SFXN3: variants seen among roughly 807,000 people sequenced by gnomAD.
SFXN3 encodes the protein sideroflexin-3.
SFXN3 carries 31 observed loss-of-function variants against 40.4 expected under a neutral mutation model. The ratio of observed to expected loss-of-function variants is 0.77; its 90% CI spans 0.58 to 1.04. SFXN3 has a LOEUF of 1.04. Ranked by LOEUF, SFXN3 falls within the 50% of genes least tolerant of loss-of-function variation. The pLI, the probability that SFXN3 is intolerant of heterozygous loss-of-function variation, is 0.00. For synonymous variants in SFXN3, 157 were observed against 160.0 expected (o/e 0.98, Z 0.14); for missense variants, 366 against 408.2 (o/e 0.90, Z 0.89).
In SFXN3 at chr10:101,039,443, G is replaced by A; in HGVS notation, c.870-46G>A. The A allele has an allele frequency of 6.4e-7, 1 of 1,555,430 alleles. No homozygotes were observed. The highest frequency in any genetic ancestry group is 1.1e-5 in the South Asian group (1 of 89,978). The stretch of plus-strand genomic sequence containing the variant: ...GATGGCAATCCCTGGGCCTGAGTGG[G>A]GTTGGATTCAGGGGACGTTAACTGG... On this transcript the variant is annotated intron_variant, in intron 11 of 11. Transcript: ENST00000393459. The surrounding 1 kb of genome is among the most constrained non-coding windows in gnomAD (Gnocchi z 4.6).
chr10:101,032,337 C>G lies in SFXN3; in HGVS notation c.-149C>G, dbSNP rs3740497. On this transcript the variant is annotated 5_prime_UTR_variant, in exon 2 of 12. Transcript: ENST00000393459. The stretch of plus-strand genomic sequence containing the variant: ...AGGTTCTGCCAATCCCCGTGCCCAC[C>G]GGGTGGGCGCGGCCGGGAAGCTCCT... 3 of 1,077,912 alleles carry G rather than the reference C, an allele frequency of 2.8e-6. No homozygotes were observed. The Admixed American group carries it at 1.1e-4, about 38-fold the overall frequency. 66.8% of individuals were successfully genotyped at this position (1,077,912 alleles called of 1,614,324 possible).
At chr10:101,031,791 G>A (rs769368139) in intron 1 of SFXN3, among the ~76,000 whole-genome samples, 4 of 152,198 alleles carry the variant, frequency 2.6e-5, no homozygotes, top group Non-Finnish European at 4.4e-5. Context: ...GGTTGGGAGC[G>A]TAAGGAGACC....
At chr10:101,038,156 A>G in intron 9 of SFXN3, 1 of 462,388 alleles carries the variant, frequency 2.2e-6, no homozygotes, top group Non-Finnish European at 3.0e-6. Flanking sequence ...TGTTTGGGGT[A>G]CAGAAAACAG....
rs1488779187 is a variant in SFXN3 at position 101,039,214 on chromosome 10, C to T, written c.861C>T (p.Pro287=). ...CCCCCCTGTGCTGTGCCCTATTCCCCCAGAAGAGGTAAGTGCTGTCCCTGG... is the reference window on the plus strand; with the variant it reads ...CCCCCCTGTGCTGTGCCCTATTCCCTCAGAAGAGGTAAGTGCTGTCCCTGG... The change falls in exon 11 of 12, where the codon CCC becomes CCT. Residue 287 remains proline (P), a synonymous_variant. Transcript: ENST00000393459. This position sits in a 1 kb window ranked among gnomAD's most constrained non-coding sequence, Gnocchi z 4.6. 2.5e-6 allele frequency: 4 copies of T among 1,604,164 alleles called. No individual in the cohort carries two copies.
In SFXN3 at chr10:101,036,631, C is replaced by T; in HGVS notation, c.507+70C>T. Reference sequence around the variant, plus strand: ...TGCCTCCTTCTTCCTCATCACACCTCCAGTTCTGACCTATATGCCCCCTAT... The same window carrying T: ...TGCCTCCTTCTTCCTCATCACACCTTCAGTTCTGACCTATATGCCCCCTAT... On this transcript the variant is annotated intron_variant, in intron 6 of 11. Transcript: ENST00000393459. The surrounding 1 kb of genome is among the most constrained non-coding windows in gnomAD (Gnocchi z 4.2). The T allele has an allele frequency of 3.1e-6, 5 of 1,611,952 alleles. No homozygotes were observed. Among genetic ancestry groups the T allele is most frequent in the African/African-American group, 1.3e-5 (1 of 74,980 alleles).
intron 2 of SFXN3, among the ~76,000 whole-genome samples, chr10:101,032,766 A>C (rs1938360418): frequency 6.6e-6 from 1 of 152,136 alleles, no homozygotes; most frequent in Non-Finnish European, 1.5e-5. Flanking sequence ...CAGGGTGTGC[A>C]TGATAGTGTC....
exon 1 of SFXN3, chr10:101,031,407 C>T (rs1938181114): frequency 6.6e-6 from 1 of 152,402 alleles, no homozygotes; most frequent in Admixed American, 6.5e-5. Flanking sequence ...TGAGCCGAGC[C>T]AGCTACCGGG....
rs1938612886 is a variant in SFXN3 at position 101,036,536 on chromosome 10, C to T, written c.482C>T (p.Ala161Val). 2 of 1,614,020 alleles carry T rather than the reference C, an allele frequency of 1.2e-6. No individual in the cohort carries two copies. Among genetic ancestry groups the T allele is most frequent in the African/African-American group, 2.7e-5 (2 of 74,908 alleles). ...GCCACCACTGGAGCTGTGGCCACGGCCCTGGGACTCAAATCCCTCACCAAG... is the reference window on the plus strand; with the variant it reads ...GCCACCACTGGAGCTGTGGCCACGGTCCTGGGACTCAAATCCCTCACCAAG... Residue 161 changes from alanine to valine, a missense_variant, in exon 6 of 12, where the codon GCC (alanine) becomes GTC (valine). By Grantham distance (64) the Ala-to-Val change is moderately conservative (BLOSUM62 0). Coordinates refer to ENST00000393459, the Ensembl canonical transcript of SFXN3. The surrounding 1 kb of genome is among the most constrained non-coding windows in gnomAD (Gnocchi z 4.2).
In SFXN3 at chr10:101,039,069, T is replaced by C. The variant is rs998599114; in HGVS notation, c.822-106T>C. ...TCCTAAAAGGTCCTTTCAGCTTTTATCAATCTCCACCCCTAGGGCCTATCT... is the reference window on the plus strand; with the variant it reads ...TCCTAAAAGGTCCTTTCAGCTTTTACCAATCTCCACCCCTAGGGCCTATCT... On this transcript the variant is annotated intron_variant, in intron 10 of 11. Coordinates refer to ENST00000393459, the Ensembl canonical transcript of SFXN3. This position sits in a 1 kb window ranked among gnomAD's most constrained non-coding sequence, Gnocchi z 4.6. 1.0e-6 allele frequency: 1 copy of C among 985,334 alleles called. No homozygotes were observed. The allele number at this position is 985,334 out of a possible 1,614,324, so 61.0% of individuals were successfully genotyped here. A position where few individuals can be genotyped will look rare whatever the true frequency, so the allele number is the denominator to read the frequency against.
intron 9 of SFXN3, 121 bp downstream of exon 9, chr10:101,037,552 T>A: frequency 6.3e-7 from 1 of 1,593,898 alleles, no homozygotes; most frequent in Non-Finnish European, 8.5e-7. Flanking sequence ...TCCTGACCCC[T>A]GCACCGCCTC....
chr10:101,036,383 C>G lies in SFXN3; in HGVS notation c.432-103C>G. On this transcript the variant is annotated intron_variant, in intron 5 of 11. Transcript: ENST00000393459. The surrounding 1 kb of genome is among the most constrained non-coding windows in gnomAD (Gnocchi z 4.2). ...GAAGGCTTCTTCTGCAAGGAGCTTC[C>G]CCTTTTATGCCTCATGTATTGAGGA... The G allele has an allele frequency of 8.9e-7, 1 of 1,117,734 alleles. No homozygotes were observed. The highest frequency in any genetic ancestry group is 1.4e-5 in the South Asian group (1 of 73,632). 69.2% of individuals were successfully genotyped at this position (1,117,734 alleles called of 1,614,324 possible).
Position 101,036,869 on chromosome 10 carries a change from C to A in SFXN3, c.593+61C>A. ...GAATGTAGCACACTGTCCATCCACG[C>A]AGACCACCTCAGAATGGGGACATCC... On this transcript the variant is annotated intron_variant, in intron 7 of 11. Transcript: ENST00000393459. The surrounding 1 kb of genome is among the most constrained non-coding windows in gnomAD (Gnocchi z 4.2). 6.3e-7 allele frequency: 1 copy of A among 1,583,214 alleles called. No individual in the cohort carries two copies. Among genetic ancestry groups the A allele is most frequent in the East Asian group, 2.3e-5 (1 of 43,966 alleles).
In SFXN3 at chr10:101,035,993, G is replaced by C; in HGVS notation, c.333-10G>C. The C allele has an allele frequency of 6.2e-6, 10 of 1,612,044 alleles. No individual in the cohort carries two copies. The highest frequency in any genetic ancestry group is 8.5e-6 in the Non-Finnish European group (10 of 1,178,132). On this transcript the variant is annotated splice_polypyrimidine_tract_variant and intron_variant, in intron 4 of 11. Coordinates refer to ENST00000393459, the Ensembl canonical transcript of SFXN3. ...AGACGGGGCAGAAGTGAGTGTCTTT[G>C]TTCCCTCAGGAAGACCCCAACCGTG... is the stretch of plus-strand genomic sequence containing the variant.
chr10:101,035,889 G>A lies in SFXN3; in HGVS notation c.333-114G>A, dbSNP rs554071438. 51 of 1,167,628 alleles carry A rather than the reference G, an allele frequency of 4.4e-5. No homozygotes were observed. In the East Asian group the frequency reaches 1.1e-3, roughly 26 times the overall value. The allele number at this position is 1,167,628 out of a possible 1,614,324, so 72.3% of individuals were successfully genotyped here. ...AGGGGTTACCAGAACAGGTTCTAGG[G>A]CCATTAACTGGGTCCCTTCTTAGGC... On this transcript the variant is annotated intron_variant, in intron 4 of 11. Transcript: ENST00000393459.
At chr10:101,038,614 C>A (rs775780146) in intron 9 of SFXN3, 29 bp from the exon 10 acceptor site, 1 of 1,613,890 alleles carries the variant, frequency 6.2e-7, no homozygotes, top group Non-Finnish European at 8.5e-7. Flanking sequence ...GGACACAAGC[C>A]GTTCCATTGT....
At chr10:101,035,847 T>TG in intron 4 of SFXN3, 156 bp from the exon 5 acceptor site, 1 of 1,092,384 alleles carries the variant, frequency 9.2e-7, no homozygotes, top group East Asian at 2.5e-5. Context: ...TTTGTATAAA[T>TG]GGGGGTGGGG....
At position 101,036,832 on chromosome 10, in the gene SFXN3, T is replaced by C. The variant is rs776556432; in HGVS notation, c.593+24T>C. 5.6e-6 allele frequency: 9 copies of C among 1,611,692 alleles called. No homozygotes were observed. The East Asian group carries it at 1.6e-4, about 28-fold the overall frequency. On this transcript the variant is annotated intron_variant, in intron 7 of 11. Coordinates refer to ENST00000393459, the Ensembl canonical transcript of SFXN3. The surrounding 1 kb of genome is among the most constrained non-coding windows in gnomAD (Gnocchi z 4.2). ...AGGTGAGTGACCCCGGCTCCTGGCA[T>C]GTGCATGCCCAGAATGTAGCACACT...
rs1438957872 is a variant in SFXN3, at chr10:101,032,405, A to G, written c.-81A>G. 4 of 1,333,832 alleles carry G rather than the reference A, an allele frequency of 3.0e-6. No individual in the cohort carries two copies. The highest frequency in any genetic ancestry group is 1.5e-5 in the African/African-American group (1 of 64,754). The allele number at this position is 1,333,832 out of a possible 1,614,324, so 82.6% of individuals were successfully genotyped here. A position where few individuals can be genotyped will look rare whatever the true frequency, so the allele number is the denominator to read the frequency against. ...GGCGTCACGCGTGACGTCCCGCGTGATGGCTGGGAGGGCCCGGCGGCGACA... is the reference window on the plus strand; with the variant it reads ...GGCGTCACGCGTGACGTCCCGCGTGGTGGCTGGGAGGGCCCGGCGGCGACA... On this transcript the variant is annotated 5_prime_UTR_variant, in exon 2 of 12. An upstream start codon of the reference 5' UTR is lost. Transcript: ENST00000393459.
chr10:101,031,869 C>T (rs917439124), intron 1 of SFXN3, among the ~76,000 whole-genome samples: 1 of 152,088 alleles, frequency 6.6e-6, no homozygotes, highest in Non-Finnish European at 1.5e-5. Context: ...AGAAGAGGCA[C>T]AGGCACGACA....
Sources: allele counts gnomAD v4.1 joint callset (sites outside exome capture counted in the v4.1 genomes callset), GRCh38; gene constraint gnomAD v4.1.1; non-coding constraint Gnocchi (gnomAD v3.1); transcripts MANE v1.5; gene names NCBI Gene and HGNC (gene_info 2026-07-23, HGNC 2026-07-21).